The following SCFD2 variants were observed in gnomAD, a reference collection of about 807,000 sequenced individuals.
SCFD2 encodes sec1 family domain containing 2, also known as sec1 family domain-containing protein 2.
Under a neutral mutation model 58.9 loss-of-function variants are expected in SCFD2, and 54 were observed. That is an observed-to-expected ratio of 0.92 (90% CI 0.74 to 1.15). The LOEUF is 1.15. Among genes scored for constraint, SCFD2 ranks in the 50% most tolerant of loss-of-function variants. The pLI is 0.00. For missense variants in SCFD2, 805 were observed against 836.6 expected (o/e 0.96, Z 0.47); for synonymous variants, 321 against 335.9 (o/e 0.96, Z 0.49).
In SCFD2 at chr4:53,311,987, A is replaced by G. The variant is rs571421020; in HGVS notation, c.1135+1649T>C. Among the ~76,000 whole-genome samples, 22 of 152,246 alleles carry G rather than the reference A, an allele frequency of 1.4e-4. No homozygotes were observed. The South Asian group carries it at 4.6e-3, about 32-fold the overall frequency. ...CAACATACTTAAGAATAAGACACTCAATGAGGTAAATACACTTGTTACTAA... is the reference window on the plus strand; with the variant it reads ...CAACATACTTAAGAATAAGACACTCGATGAGGTAAATACACTTGTTACTAA... On this transcript the variant is annotated intron_variant, in intron 3 of 8. Transcript: ENST00000401642.
chr4:52,928,546 AG>A (rs1213968868), intron 5 of SCFD2, among the ~76,000 whole-genome samples: 1 of 152,120 alleles, frequency 6.6e-6, no homozygotes, highest in African/African-American at 2.4e-5. Context: ...AAAGACAAAT[AG>A]GCATGCACGA....
At chr4:52,913,229 G>A (rs1349347330) in intron 6 of SCFD2, among the ~76,000 whole-genome samples, 1 of 152,140 alleles carries the variant, frequency 6.6e-6, no homozygotes, top group Non-Finnish European at 1.5e-5. Flanking sequence ...GACCGCTACT[G>A]GTTCGTGGCC....
chr4:53,140,598 G>A (rs4616822), intron 5 of SCFD2, among the ~76,000 whole-genome samples: 66,626 of 151,148 alleles, frequency 0.44, 15,027 homozygotes, highest in South Asian at 0.52. Context: ...GGTATGGCAG[G>A]ATCTATAAGT....
chr4:53,294,998 A>G (rs1731974980), intron 3 of SCFD2, among the ~76,000 whole-genome samples: 1 of 152,138 alleles, frequency 6.6e-6, no homozygotes, highest in Admixed American at 6.5e-5. Context: ...ATTGGTCTAT[A>G]TATCTGTTTT....
At chr4:52,986,515 T>TG (rs1721498169) in intron 5 of SCFD2, among the ~76,000 whole-genome samples, 1 of 147,824 alleles carries the variant, frequency 6.8e-6, no homozygotes, top group Non-Finnish European at 1.5e-5. Context: ...TTTTTTTTTT[T>TG]TGAGACGGAG....
chr4:53,219,025 G>C (rs913886044), intron 4 of SCFD2, among the ~76,000 whole-genome samples: 3 of 152,188 alleles, frequency 2.0e-5, no homozygotes, highest in East Asian at 1.9e-4. Flanking sequence ...GTACCCGGCC[G>C]TGTGAGGTGT....
At chr4:52,923,992 C>T (rs1719804926) in intron 5 of SCFD2, among the ~76,000 whole-genome samples, 1 of 152,032 alleles carries the variant, frequency 6.6e-6, no homozygotes, top group Non-Finnish European at 1.5e-5. Flanking sequence ...ACTACTTTTT[C>T]AAATTTAAAA....
At chr4:53,353,478 G>A (rs573360594) in intron 1 of SCFD2, among the ~76,000 whole-genome samples, 5 of 152,248 alleles carry the variant, frequency 3.3e-5, no homozygotes, top group South Asian at 4.1e-4. Flanking sequence ...CTGCTGTCTC[G>A]GGCAGCCTCC....
chr4:53,228,848 A>G (rs1246852135), intron 4 of SCFD2, among the ~76,000 whole-genome samples: 3 of 152,250 alleles, frequency 2.0e-5, no homozygotes, highest in Non-Finnish European at 4.4e-5. Flanking sequence ...TTTGCAGATG[A>G]CATGATTGTA....
chr4:53,267,160 C>T lies in SCFD2; in HGVS notation c.1311+6666G>A, dbSNP rs373514348. Among the ~76,000 whole-genome samples, 28 of 152,010 alleles carry T rather than the reference C, an allele frequency of 1.8e-4. No individual in the cohort carries two copies. The South Asian group carries it at 5.2e-3, about 28-fold the overall frequency. On this transcript the variant is annotated intron_variant, in intron 4 of 8. Transcript: ENST00000401642. ...GGCCATAAAGTAAACATTGAGGTTT[C>T]GGTGATTGAGGCCTGGTAGAAAGTG... is the stretch of plus-strand genomic sequence containing the variant.
At chr4:53,103,631 C>T (rs28692639) in intron 5 of SCFD2, among the ~76,000 whole-genome samples, 2,521 of 148,522 alleles carry the variant, frequency 0.017, 73 homozygotes, top group African/African-American at 0.059. Flanking sequence ...TAGCAATGAG[C>T]ATATCTAGTA....
At chr4:53,325,734 A>G (rs917595125) in intron 2 of SCFD2, among the ~76,000 whole-genome samples, 3 of 152,234 alleles carry the variant, frequency 2.0e-5, no homozygotes, top group Non-Finnish European at 2.9e-5. Flanking sequence ...GGTAGGCATT[A>G]TTATAACCAA....
At chr4:53,136,854 T>C (rs1725957420) in intron 5 of SCFD2, among the ~76,000 whole-genome samples, 1 of 152,176 alleles carries the variant, frequency 6.6e-6, no homozygotes, top group Non-Finnish European at 1.5e-5. Context: ...GCTAGGTACA[T>C]AAATGTGGTC....
intron 4 of SCFD2, among the ~76,000 whole-genome samples, chr4:53,177,819 C>A (rs1402148616): frequency 6.6e-6 from 1 of 152,216 alleles, no homozygotes; most frequent in Non-Finnish European, 1.5e-5. Context: ...CTGCACTTTT[C>A]TGATGGGCTT....
intron 5 of SCFD2, among the ~76,000 whole-genome samples, chr4:52,999,680 C>T (rs1357465224): frequency 6.6e-6 from 1 of 152,206 alleles, no homozygotes; most frequent in African/African-American, 2.4e-5. Context: ...TTGACATTCT[C>T]GTCCATTTGA....
intron 5 of SCFD2, among the ~76,000 whole-genome samples, chr4:53,002,833 C>T (rs1461016909): frequency 6.6e-6 from 1 of 152,166 alleles, no homozygotes; most frequent in Non-Finnish European, 1.5e-5. Flanking sequence ...GTTCCACAGG[C>T]TGTACAGGAA....
intron 4 of SCFD2, among the ~76,000 whole-genome samples, chr4:53,222,851 T>G (rs1729088653): frequency 6.6e-6 from 1 of 152,216 alleles, no homozygotes; most frequent in Non-Finnish European, 1.5e-5. Context: ...GTAATATAAC[T>G]TCAGCTTTAT....
At chr4:53,252,816 A>C (rs1730445265) in intron 4 of SCFD2, among the ~76,000 whole-genome samples, 1 of 152,168 alleles carries the variant, frequency 6.6e-6, no homozygotes, top group East Asian at 1.9e-4. Context: ...ACCATTCAGG[A>C]CATAGGCATG....
intron 4 of SCFD2, among the ~76,000 whole-genome samples, chr4:53,202,136 T>A (rs1728263160): frequency 6.6e-6 from 1 of 152,140 alleles, no homozygotes; most frequent in Non-Finnish European, 1.5e-5. Flanking sequence ...CTAGGTTTTC[T>A]TCTAGGGTTT....
Sources: gnomAD v4.1 joint callset for allele counts (sites outside exome capture counted in the v4.1 genomes callset) on GRCh38, gnomAD v4.1.1 for gene constraint, MANE v1.5 for transcripts, NCBI Gene and HGNC (gene_info 2026-07-23, HGNC 2026-07-21) for gene names.